Variants in ACBD6 observed in about 807,000 individuals in gnomAD.
The protein encoded by ACBD6 is acyl-CoA-binding domain-containing protein 6.
Under a neutral mutation model 37.2 loss-of-function variants are expected in ACBD6, and 28 were observed. The observed-to-expected ratio is 0.75, with a 90% CI of 0.56 to 1.03. The LOEUF (loss-of-function observed/expected upper bound fraction) is 1.03, where lower values mean the gene tolerates loss of function less well. ACBD6 is among the 50% of genes least tolerant of loss of function. ACBD6 has a pLI of 0.00. For missense variants in ACBD6, 340 were observed against 337.4 expected (o/e 1.01, Z -0.06); for synonymous variants, 113 against 126.8 (o/e 0.89, Z 0.73).
exon 10 of ACBD6, chr1:180,274,709 C>G: frequency 1.8e-6 from 2 of 1,121,850 alleles, no homozygotes; most frequent in South Asian, 3.2e-5. Flanking sequence ...GGAAGTCCTC[C>G]GCTGATTCCT....
chr1:180,311,907 C>T (rs1007464151), intron 7 of ACBD6, among the ~76,000 whole-genome samples: 2 of 152,180 alleles, frequency 1.3e-5, no homozygotes, highest in African/African-American at 2.4e-5. Flanking sequence ...ATAATTTTCA[C>T]CAGTTTGACA....
intron 1 of ACBD6, among the ~76,000 whole-genome samples, chr1:180,498,297 T>A (rs933319709): frequency 3.3e-5 from 5 of 152,198 alleles, no homozygotes; most frequent in Admixed American, 3.3e-4. Flanking sequence ...ACACTTTGAG[T>A]TGTTTTCCTT....
intron 7 of ACBD6, among the ~76,000 whole-genome samples, chr1:180,301,590 A>G (rs1397406790): frequency 6.6e-6 from 1 of 152,278 alleles, no homozygotes; most frequent in South Asian, 2.1e-4. Context: ...GTTATGGTAC[A>G]TATCAAGCAA....
chr1:180,493,264 AAAAAAAAAAAAAAAC>A (rs1455383385), intron 2 of ACBD6, among the ~76,000 whole-genome samples: 6 of 141,100 alleles, frequency 4.3e-5, no homozygotes, highest in Non-Finnish European at 9.0e-5. Context: ...AAAAAAAAAA[AAAAAAAAAAAAAAAC>A]AACAACAGCA....
intron 4 of ACBD6, among the ~76,000 whole-genome samples, chr1:180,429,254 C>CAG (rs34959725): frequency 0.49 from 73,706 of 151,840 alleles, 20,706 homozygotes; most frequent in South Asian, 0.66. Context: ...CCCCTACCCC[C>CAG]AGCTCCTGGC....
chr1:180,442,797 T>C (rs1649331357), intron 3 of ACBD6, among the ~76,000 whole-genome samples: 1 of 152,156 alleles, frequency 6.6e-6, no homozygotes, highest in South Asian at 2.1e-4. Context: ...TTTTTCCCTA[T>C]CTAAAAGTTC....
chr1:180,449,276 A>G (rs1649600671), intron 3 of ACBD6, among the ~76,000 whole-genome samples: 1 of 152,210 alleles, frequency 6.6e-6, no homozygotes, highest in East Asian at 1.9e-4. Context: ...CAACTTCTAA[A>G]GCAGAATTCT....
chr1:180,306,955 C>G (rs977186922), intron 7 of ACBD6, among the ~76,000 whole-genome samples: 8 of 152,162 alleles, frequency 5.3e-5, no homozygotes, highest in Middle Eastern at 3.4e-3. Context: ...GGAGGTTCCT[C>G]AAAGAACTGA....
intron 4 of ACBD6, among the ~76,000 whole-genome samples, chr1:180,416,933 C>T (rs1439648310): frequency 2.0e-5 from 3 of 152,128 alleles, no homozygotes; most frequent in Admixed American, 1.3e-4. Context: ...TTAATAGGCA[C>T]ATTCAACAAA....
chr1:180,407,546 A>C (rs1647673931), intron 5 of ACBD6, among the ~76,000 whole-genome samples: 1 of 152,210 alleles, frequency 6.6e-6, no homozygotes, highest in Admixed American at 6.5e-5. Context: ...TATTTTATAA[A>C]AGAAATTGCT....
chr1:180,406,201 G>A (rs1040011000), intron 5 of ACBD6, among the ~76,000 whole-genome samples: 1 of 152,060 alleles, frequency 6.6e-6, no homozygotes, highest in Non-Finnish European at 1.5e-5. Flanking sequence ...CATAGGTTGA[G>A]TATCCCTTAT....
chr1:180,478,199 T>C (rs1329552724), intron 3 of ACBD6, among the ~76,000 whole-genome samples: 1 of 152,136 alleles, frequency 6.6e-6, no homozygotes, highest in Non-Finnish European at 1.5e-5. Context: ...GAAATTATTA[T>C]AATTTTACAT....
intron 3 of ACBD6, chr1:180,435,487 G>C: frequency 1.9e-6 from 1 of 533,254 alleles, no homozygotes; most frequent in Non-Finnish European, 3.3e-6. Context: ...TCCTGACCTC[G>C]TGATCCGCCC....
chr1:180,282,431 T>C (rs1649340983), intron 8 of ACBD6, among the ~76,000 whole-genome samples: 1 of 152,048 alleles, frequency 6.6e-6, no homozygotes. Flanking sequence ...ATTAAAATGG[T>C]AAATAGATTT....
At chr1:180,466,373 C>T (rs1214134929) in intron 3 of ACBD6, among the ~76,000 whole-genome samples, 1 of 152,072 alleles carries the variant, frequency 6.6e-6, no homozygotes, top group Non-Finnish European at 1.5e-5. Context: ...CTATTTGTGG[C>T]CACATTTCTA....
chr1:180,367,260 G>T (rs916457318), intron 6 of ACBD6, among the ~76,000 whole-genome samples: 3 of 152,174 alleles, frequency 2.0e-5, no homozygotes, highest in Non-Finnish European at 4.4e-5. Context: ...ATAAGGGAAT[G>T]AATAAATTTG....
chr1:180,495,143 G>A (rs1423717244), intron 2 of ACBD6, among the ~76,000 whole-genome samples: 1 of 152,166 alleles, frequency 6.6e-6, no homozygotes, highest in African/African-American at 2.4e-5. Flanking sequence ...CCCTCCAGAG[G>A]GGAGAAGTGG....
chr1:180,360,699 AATT>A (rs1426845790), intron 6 of ACBD6, among the ~76,000 whole-genome samples: 1 of 152,148 alleles, frequency 6.6e-6, no homozygotes, highest in Non-Finnish European at 1.5e-5. Flanking sequence ...GTGACAAAAA[AATT>A]ATTAAAATAT....
intron 7 of ACBD6, among the ~76,000 whole-genome samples, chr1:180,297,993 C>A (rs1173454915): frequency 6.6e-6 from 1 of 152,198 alleles, no homozygotes; most frequent in Non-Finnish European, 1.5e-5. Context: ...GACCCACCTG[C>A]CTTGGCCTCC....
Sources: allele counts gnomAD v4.1 joint callset (sites outside exome capture counted in the v4.1 genomes callset), GRCh38; gene constraint gnomAD v4.1.1; transcripts MANE v1.5; gene names NCBI Gene and HGNC (gene_info 2026-07-23, HGNC 2026-07-21).